The following GOLGA3 variants were observed in gnomAD, a reference collection of about 807,000 sequenced individuals.
GOLGA3 encodes the protein golgin subfamily A member 3.
A neutral mutation model predicts 169.4 loss-of-function variants in GOLGA3; 75 were observed. The ratio of observed to expected loss-of-function variants is 0.44; its 90% CI spans 0.37 to 0.54. The LOEUF is 0.54. Among genes scored for constraint, GOLGA3 ranks in the 20% least tolerant of loss-of-function variants. The probability of loss-of-function intolerance (pLI) is 0.00; values close to 1 mark genes in which losing one functional copy is unlikely to be tolerated. For missense variants in GOLGA3, 1,899 were observed against 1,930.0 expected (o/e 0.98, Z 0.30); for synonymous variants, 824 against 822.4 (o/e 1.00, Z -0.03).
At chr12:132,778,444 A>G (rs562318701) in intron 18 of GOLGA3, among the ~76,000 whole-genome samples, 4 of 150,728 alleles carry the variant, frequency 2.7e-5, no homozygotes, top group East Asian at 2.0e-4. Flanking sequence ...GGTGGCGGGC[A>G]CCTGTAGTCC....
In GOLGA3 at chr12:132,796,790, G is replaced by A. The variant is rs529921833; in HGVS notation, c.1939-90C>T. 5.2e-5 allele frequency: 64 copies of A among 1,227,260 alleles called. No individual in the cohort carries two copies. In the African/African-American group the frequency reaches 7.8e-4, roughly 15 times the overall value. The allele number at this position is 1,227,260 out of a possible 1,614,324, so 76.0% of individuals were successfully genotyped here. A position where few individuals can be genotyped will look rare whatever the true frequency, so the allele number is the denominator to read the frequency against. ...CCCGTGCTCTGCAGAGAAACCCACC[G>A]CCCTGGCATGGGCCCCATCCACCTC... is the stretch of plus-strand genomic sequence containing the variant. On this transcript the variant is annotated intron_variant, in intron 9 of 23. Coordinates refer to ENST00000450791, the MANE Select transcript of GOLGA3 (RefSeq NM_001389683.1).
intron 3 of GOLGA3, among the ~76,000 whole-genome samples, chr12:132,816,098 C>T (rs764655646): frequency 2.0e-5 from 3 of 151,872 alleles, no homozygotes; most frequent in Non-Finnish European, 2.9e-5. Context: ...CTCGGGAGGC[C>T]GAGGCAGGTG....
intron 22 of GOLGA3, chr12:132,774,814 C>T (rs948245220): frequency 6.4e-6 from 3 of 472,212 alleles, no homozygotes; most frequent in African/African-American, 4.0e-5. Context: ...AGAAAACCGC[C>T]GGGCGCCTGG....
intron 8 of GOLGA3, among the ~76,000 whole-genome samples, chr12:132,798,864 G>C (rs1178778458): frequency 6.6e-6 from 1 of 152,230 alleles, no homozygotes; most frequent in Non-Finnish European, 1.5e-5. Context: ...ACACACACCA[G>C]GGCCTGCCCT....
chr12:132,810,291 G>T (rs1268088512), intron 4 of GOLGA3, among the ~76,000 whole-genome samples: 1 of 152,008 alleles, frequency 6.6e-6, no homozygotes, highest in Non-Finnish European at 1.5e-5. Flanking sequence ...ACATTCTGTT[G>T]AACTATAACC....
chr12:132,788,215 C>T (rs2136379829), intron 13 of GOLGA3, among the ~76,000 whole-genome samples: 1 of 152,316 alleles, frequency 6.6e-6, no homozygotes, highest in South Asian at 2.1e-4. Flanking sequence ...CGCCTACTCA[C>T]AGGCCTCAGC....
Position 132,792,744 on chromosome 12 carries a change from G to A in GOLGA3, c.2470-1451C>T, listed in dbSNP as rs113534375. Reference sequence around the variant, plus strand: ...GACCGACCGCACGGGACCTGCACTCGGAGGGCTCCACACGGACTGACCGCA... The same window carrying A: ...GACCGACCGCACGGGACCTGCACTCAGAGGGCTCCACACGGACTGACCGCA... On this transcript the variant is annotated intron_variant, in intron 11 of 23. Transcript: ENST00000450791. Among the ~76,000 whole-genome samples, 11 of 125,090 alleles carry A rather than the reference G, an allele frequency of 8.8e-5. 1 individual carries two copies. The highest frequency in any genetic ancestry group is 5.0e-4 in the East Asian group (2 of 3,966). 82.1% of individuals were successfully genotyped at this position (125,090 alleles called of 152,430 possible).
chr12:132,780,781 C>A lies in GOLGA3; in HGVS notation c.3582+17G>T, dbSNP rs371345372. On this transcript the variant is annotated intron_variant, in intron 18 of 23. Coordinates refer to ENST00000450791, the MANE Select transcript of GOLGA3 (RefSeq NM_001389683.1). ...GCGTCCTCTGGAACGCCCTGTGAGACGGAAGGTGGCACGCACCTGCTCCTT... is the reference window on the plus strand; with the variant it reads ...GCGTCCTCTGGAACGCCCTGTGAGAAGGAAGGTGGCACGCACCTGCTCCTT... 6.6e-7 allele frequency: 1 copy of A among 1,511,954 alleles called. No homozygotes were observed. The highest frequency in any genetic ancestry group is 9.2e-7 in the Non-Finnish European group (1 of 1,091,446). 93.7% of individuals were successfully genotyped at this position (1,511,954 alleles called of 1,614,324 possible).
intron 2 of GOLGA3, among the ~76,000 whole-genome samples, chr12:132,819,804 C>G (rs927376044): frequency 1.3e-5 from 2 of 152,184 alleles, no homozygotes; most frequent in Non-Finnish European, 2.9e-5. Flanking sequence ...CTTTGGGAGG[C>G]CGAGGTGGAA....
chr12:132,797,986 C>A (rs983261144), intron 9 of GOLGA3, among the ~76,000 whole-genome samples: 1 of 152,230 alleles, frequency 6.6e-6, no homozygotes, highest in South Asian at 2.1e-4. Flanking sequence ...CTGTACCCAG[C>A]GCCATCCCTG....
intron 22 of GOLGA3, 53 bp from the exon 23 acceptor site, chr12:132,774,373 G>T: frequency 6.3e-7 from 1 of 1,593,262 alleles, no homozygotes. Context: ...CCTCGGGTCA[G>T]TCTCACTAGC....
chr12:132,808,413 C>A lies in GOLGA3; in HGVS notation c.656G>T (p.Arg219Leu), dbSNP rs774878722. ...CCCCAGGCTGCCCACCTTAGGCCCCCGAGGGACACTGGTGCGCAGGAAGGA... is the reference window on the plus strand; with the variant it reads ...CCCCAGGCTGCCCACCTTAGGCCCCAGAGGGACACTGGTGCGCAGGAAGGA... ...EYSFLRTSVP[R>L]GPKVGSLGLP... Residue 219 changes from arginine (R) to leucine (L), a missense_variant, in exon 5 of 24, where the codon CGG (arginine) becomes CTG (leucine). Physicochemically the swap from Arg to Leu is moderately radical, Grantham distance 102. Transcript: ENST00000450791. 3.7e-6 allele frequency: 6 copies of A among 1,614,000 alleles called. No homozygotes were observed. The highest frequency in any genetic ancestry group is 5.1e-6 in the Non-Finnish European group (6 of 1,180,042).
intron 17 of GOLGA3, among the ~76,000 whole-genome samples, 159 bp downstream of exon 17, chr12:132,782,137 G>A (rs770877453): frequency 2.0e-5 from 3 of 152,196 alleles, no homozygotes; most frequent in Non-Finnish European, 4.4e-5. Context: ...GGGACCCAGG[G>A]CCGTGGGTCA....
intron 11 of GOLGA3, 121 bp downstream of exon 11, chr12:132,795,731 A>G: frequency 1.8e-6 from 2 of 1,124,316 alleles, no homozygotes; most frequent in Non-Finnish European, 2.5e-6. Flanking sequence ...ACTGCACTCC[A>G]GCCTGGGCAA....
At chr12:132,798,590 TCCCACGCAAGC>T in intron 8 of GOLGA3, 113 bp from the exon 9 acceptor site, 1 of 621,820 alleles carries the variant, frequency 1.6e-6, no homozygotes, top group South Asian at 1.8e-5. Flanking sequence ...CCTCAGTGTC[TCCCACGCAAGC>T]CCCACTACCC....
chr12:132,780,747 G>A, intron 18 of GOLGA3, 51 bp downstream of exon 18: 3 of 1,098,948 alleles, frequency 2.7e-6, no homozygotes, highest in Non-Finnish European at 4.2e-6. Flanking sequence ...TAGATTTCTA[G>A]GCACTGGAGC....
chr12:132,777,608 G>C lies in GOLGA3; in HGVS notation c.3722+58C>G. On this transcript the variant is annotated intron_variant, in intron 19 of 23. Transcript: ENST00000450791. The surrounding 1 kb of genome is among the most constrained non-coding windows in gnomAD (Gnocchi z 4.7). Reference sequence around the variant, plus strand: ...CTCGCTGTGCTGAAGGTGTGAATTAGACCCCGCCCATTGCCAGGACAGCCA... The same window carrying C: ...CTCGCTGTGCTGAAGGTGTGAATTACACCCCGCCCATTGCCAGGACAGCCA... 6.3e-7 allele frequency: 1 copy of C among 1,593,572 alleles called. No individual in the cohort carries two copies. The highest frequency in any genetic ancestry group is 8.6e-7 in the Non-Finnish European group (1 of 1,165,840).
At chr12:132,815,540 C>A (rs1949917712) in intron 3 of GOLGA3, among the ~76,000 whole-genome samples, 1 of 152,222 alleles carries the variant, frequency 6.6e-6, no homozygotes, top group Non-Finnish European at 1.5e-5. Context: ...ATGTGAAATG[C>A]AGTCTGATTT....
intron 12 of GOLGA3, among the ~76,000 whole-genome samples, chr12:132,790,388 C>T (rs1473038482): frequency 6.6e-6 from 1 of 152,136 alleles, no homozygotes; most frequent in Non-Finnish European, 1.5e-5. Context: ...TCAGGGGTCA[C>T]CCTCGCTCAG....
Sources: allele counts gnomAD v4.1 joint callset (sites outside exome capture counted in the v4.1 genomes callset), GRCh38; gene constraint gnomAD v4.1.1; non-coding constraint Gnocchi (gnomAD v3.1); transcripts MANE v1.5; gene names NCBI Gene and HGNC (gene_info 2026-07-23, HGNC 2026-07-21).